RNF128: variants seen among roughly 807,000 people sequenced by gnomAD.
RNF128 encodes the protein E3 ubiquitin-protein ligase RNF128.
Under a neutral mutation model 26.2 loss-of-function variants are expected in RNF128, and 13 were observed. The ratio of observed to expected loss-of-function variants is 0.50; its 90% CI spans 0.32 to 0.79. RNF128 has a LOEUF of 0.79. Ranked by LOEUF, RNF128 falls within the 30% of genes least tolerant of loss-of-function variation. The probability of loss-of-function intolerance (pLI) is 0.03; values close to 1 mark genes in which losing one functional copy is unlikely to be tolerated. For synonymous variants in RNF128, 149 were observed against 142.5 expected (o/e 1.05, Z -0.32); for missense variants, 315 against 349.7 (o/e 0.90, Z 0.79).
chrX:106,722,284 T>G (rs1929326129), upstream of RNF128, among the ~76,000 whole-genome samples: 1 of 111,636 alleles, frequency 9.0e-6, no homozygotes, highest in African/African-American at 3.3e-5. Flanking sequence ...AAGCAGATGC[T>G]GGATGCTAGC....
chrX:106,793,401 A>C (rs1930860918), intron 6 of RNF128, among the ~76,000 whole-genome samples: 1 of 111,707 alleles, frequency 9.0e-6, no homozygotes, highest in Non-Finnish European at 1.9e-5. Flanking sequence ...AGACTGACTG[A>C]CAAAAACGTT....
At chrX:106,776,414 T>G (rs1930464922) in intron 2 of RNF128, among the ~76,000 whole-genome samples, 1 of 111,840 alleles carries the variant, frequency 8.9e-6, no homozygotes, top group Non-Finnish European at 1.9e-5. Context: ...AGAAAAGGAT[T>G]TACTAACTAA....
chrX:106,762,538 C>G (rs757224557), intron 1 of RNF128, among the ~76,000 whole-genome samples: 1 of 110,971 alleles, frequency 9.0e-6, no homozygotes, highest in Non-Finnish European at 1.9e-5. Context: ...GTCTTGAACT[C>G]CTGACCTCAG....
In RNF128 at chrX:106,731,620, G is replaced by A. The variant is rs923495389; in HGVS notation, c.484+4223G>A. 9.9e-5 allele frequency among the ~76,000 whole-genome samples: 11 copies of A among 111,261 alleles called. No homozygotes were observed. The Admixed American group carries it at 1.0e-3, about 11-fold the overall frequency. On this transcript the variant is annotated intron_variant, in intron 1 of 6. Transcript: ENST00000255499. Reference sequence around the variant, plus strand: ...AGGACTGTATTTGACACTGTTGACTGCCTCTTTAAAACTATCCCAAGTAGT... The same window carrying A: ...AGGACTGTATTTGACACTGTTGACTACCTCTTTAAAACTATCCCAAGTAGT...
intron 1 of RNF128, among the ~76,000 whole-genome samples, chrX:106,750,150 A>G (rs1929857333): frequency 9.0e-6 from 1 of 111,697 alleles, no homozygotes; most frequent in Non-Finnish European, 1.9e-5. Flanking sequence ...TACACATTTC[A>G]TCCCAATTCC....
At chrX:106,783,760 G>T (rs375904530) in intron 2 of RNF128, among the ~76,000 whole-genome samples, 1 of 111,240 alleles carries the variant, frequency 9.0e-6, no homozygotes, top group South Asian at 3.8e-4. Context: ...GAAGCTTGGC[G>T]CCAACCTCCG....
chrX:106,724,005 A>C (rs1260012368), upstream of RNF128, among the ~76,000 whole-genome samples: 1 of 111,023 alleles, frequency 9.0e-6, no homozygotes, highest in Non-Finnish European at 1.9e-5. Flanking sequence ...CAGTGATCGG[A>C]AACTCAACTG....
chrX:106,768,651 C>A (rs1314059089), intron 1 of RNF128, among the ~76,000 whole-genome samples: 1 of 111,303 alleles, frequency 9.0e-6, no homozygotes, highest in Non-Finnish European at 1.9e-5. Flanking sequence ...TTTTGTTGAT[C>A]TTTTCAAAAA....
At chrX:106,764,648 G>C (rs1173119403) in intron 1 of RNF128, among the ~76,000 whole-genome samples, 1 of 110,754 alleles carries the variant, frequency 9.0e-6, no homozygotes, top group East Asian at 2.8e-4. Context: ...CTCTGGGTAA[G>C]GAGCGAAACT....
intron 4 of RNF128, among the ~76,000 whole-genome samples, chrX:106,788,880 TATA>T (rs1930748224): frequency 1.3e-5 from 1 of 76,514 alleles, no homozygotes; most frequent in East Asian, 3.7e-4. Context: ...TAATGTATAA[TATA>T]TTATATATTA....
At chrX:106,788,104 T>G in intron 4 of RNF128, 104 bp downstream of exon 4, 1 of 423,622 alleles carries the variant, frequency 2.4e-6, no homozygotes. Flanking sequence ...ATGTAAAAAA[T>G]GTTTATTTTT....
At chrX:106,738,839 C>T (rs1240717082) in intron 1 of RNF128, among the ~76,000 whole-genome samples, 3 of 111,531 alleles carry the variant, frequency 2.7e-5, no homozygotes, top group Non-Finnish European at 5.6e-5. Context: ...ATGTACAGTG[C>T]TCAGTGCACA....
chrX:106,703,243 T>C, intron 1 of RNF128, among the ~76,000 whole-genome samples: 1 of 112,113 alleles, frequency 8.9e-6, no homozygotes. Flanking sequence ...AAATTGGAAC[T>C]CTTTATTTCT....
chrX:106,719,749 T>C (rs1305621283), intron 1 of RNF128, among the ~76,000 whole-genome samples: 1 of 109,833 alleles, frequency 9.1e-6, no homozygotes, highest in Non-Finnish European at 1.9e-5. Context: ...ATTACTATTT[T>C]AGTTGAGAAA....
chrX:106,723,586 G>A (rs922595207), upstream of RNF128, among the ~76,000 whole-genome samples: 4 of 110,089 alleles, frequency 3.6e-5, no homozygotes, highest in Non-Finnish European at 7.6e-5. Context: ...ATATATATAT[G>A]TATGTATGTA....
intron 1 of RNF128, among the ~76,000 whole-genome samples, chrX:106,712,122 T>C (rs1929138820): frequency 8.9e-6 from 1 of 112,370 alleles, no homozygotes; most frequent in East Asian, 2.8e-4. Flanking sequence ...CTCAACATAC[T>C]TCAGAGTCAC....
At chrX:106,706,422 C>T (rs1388275518) in intron 1 of RNF128, among the ~76,000 whole-genome samples, 32 of 111,329 alleles carry the variant, frequency 2.9e-4, no homozygotes, top group African/African-American at 8.8e-4. Flanking sequence ...TTTACTTATT[C>T]ACTCAACAAA....
At chrX:106,774,594 A>G (rs1282029899) in intron 2 of RNF128, among the ~76,000 whole-genome samples, 1 of 112,164 alleles carries the variant, frequency 8.9e-6, no homozygotes, top group African/African-American at 3.2e-5. Flanking sequence ...CATGTAAACT[A>G]TCAGCAAATC....
At chrX:106,765,888 G>T (rs1450554055) in intron 1 of RNF128, among the ~76,000 whole-genome samples, 1 of 88,819 alleles carries the variant, frequency 1.1e-5, no homozygotes, top group Non-Finnish European at 2.2e-5. Context: ...CCCACGACAG[G>T]CTCCAGTGTG....
Sources: allele counts gnomAD v4.1 joint callset (sites outside exome capture counted in the v4.1 genomes callset), GRCh38; gene constraint gnomAD v4.1.1; transcripts MANE v1.5; gene names NCBI Gene and HGNC (gene_info 2026-07-23, HGNC 2026-07-21).